MED26: variants seen among roughly 807,000 people sequenced by gnomAD.
The protein encoded by MED26 is mediator complex subunit 26, also known as mediator of RNA polymerase II transcription subunit 26.
MED26 carries 7 observed loss-of-function variants against 43.7 expected under a neutral mutation model. That is an observed-to-expected ratio of 0.16 (90% CI 0.09 to 0.30). The LOEUF (loss-of-function observed/expected upper bound fraction) is 0.30, where lower values mean the gene tolerates loss of function less well. MED26 is among the 10% of genes least tolerant of loss of function. The pLI is 1.00. For missense variants in MED26, 784 were observed against 840.6 expected, an observed-to-expected ratio of 0.93 and a Z score of 0.83; for synonymous variants, 375 against 371.1, an observed-to-expected ratio of 1.01 and a Z score of -0.12.
intron 1 of MED26, among the ~76,000 whole-genome samples, chr19:16,606,274 G>C (rs918810651): frequency 3.3e-5 from 5 of 152,240 alleles, no homozygotes; most frequent in African/African-American, 1.2e-4. Context: ...AATGGGGCCG[G>C]GTGCAGTGAC....
chr19:16,575,843 CAA>C lies in MED26; in HGVS notation c.*182_*183del, dbSNP rs998204774. 2.7e-5 allele frequency: 16 copies of C among 602,780 alleles called. No homozygotes were observed. Among genetic ancestry groups the C allele is most frequent in the Admixed American group, 6.0e-5 (2 of 33,490 alleles). The allele number at this position is 602,780 out of a possible 1,614,324, so 37.3% of individuals were successfully genotyped here. A position where few individuals can be genotyped will look rare whatever the true frequency, so the allele number is the denominator to read the frequency against. ...TTAGTAAACTGGTAGCAGCATTTCA[CAA>C]AAAGAGTTTTGAGGGAAGAGCGCAG... On this transcript the variant is annotated 3_prime_UTR_variant, in exon 3 of 3. Transcript: ENST00000263390.
chr19:16,625,095 T>G (rs779559774), intron 1 of MED26, among the ~76,000 whole-genome samples: 16 of 152,164 alleles, frequency 1.1e-4, no homozygotes, highest in Non-Finnish European at 1.8e-4. Context: ...ACACTGCGCT[T>G]CGGAGAGATT....
chr19:16,575,940 C>A lies in MED26; in HGVS notation c.*87G>T, dbSNP rs1194610735. The A allele has an allele frequency of 7.7e-6, 10 of 1,294,012 alleles. No homozygotes were observed. The African/African-American group carries it at 8.8e-5, about 11-fold the overall frequency. The allele number at this position is 1,294,012 out of a possible 1,614,324, so 80.2% of individuals were successfully genotyped here. ...CTCCCCGAGTTCCCAGCGCAGGAGG[C>A]AGCTGGGCCCCGGCCACCTGCCCAC... On this transcript the variant is annotated 3_prime_UTR_variant, in exon 3 of 3. Transcript: ENST00000263390.
Position 16,575,973 on chromosome 19 carries a change from C to A in MED26, c.*54G>T. Reference sequence around the variant, plus strand: ...CCCCGGCCACCTGCCCACCTGCCTGCCCGCCCACCCGGCTTCTGCAAGATG... The same window carrying A: ...CCCCGGCCACCTGCCCACCTGCCTGACCGCCCACCCGGCTTCTGCAAGATG... On this transcript the variant is annotated 3_prime_UTR_variant, in exon 3 of 3. Transcript: ENST00000263390. 6.5e-7 allele frequency: 1 copy of A among 1,536,234 alleles called. No homozygotes were observed. The highest frequency in any genetic ancestry group is 8.8e-7 in the Non-Finnish European group (1 of 1,131,904).
chr19:16,585,355 G>C (rs1250510683), intron 1 of MED26, among the ~76,000 whole-genome samples: 3 of 152,146 alleles, frequency 2.0e-5, no homozygotes, highest in Admixed American at 1.3e-4. Context: ...TACCAGGAAG[G>C]AGCCCAGGAC....
intron 1 of MED26, among the ~76,000 whole-genome samples, chr19:16,600,158 C>T (rs1281876432): frequency 6.6e-6 from 1 of 152,132 alleles, no homozygotes; most frequent in African/African-American, 2.4e-5. Context: ...CTAGGTCCCC[C>T]CTCATCCCCC....
intron 1 of MED26, among the ~76,000 whole-genome samples, chr19:16,605,575 CAG>C (rs1490069042): frequency 1.3e-5 from 2 of 152,212 alleles, no homozygotes; most frequent in East Asian, 3.8e-4. Context: ...CACACACAGT[CAG>C]AGAGAGCAGC....
intron 1 of MED26, among the ~76,000 whole-genome samples, chr19:16,607,820 C>A (rs1421486042): frequency 6.6e-6 from 1 of 152,236 alleles, no homozygotes; most frequent in Non-Finnish European, 1.5e-5. Flanking sequence ...CTCAGAGAAG[C>A]CAAAAGATTG....
In MED26 at chr19:16,575,700, GA is replaced by G; in HGVS notation, c.*326del. On this transcript the variant is annotated 3_prime_UTR_variant, in exon 3 of 3. Coordinates refer to ENST00000263390, the MANE Select transcript of MED26 (RefSeq NM_004831.5). ...CTGAGGCCCCAGCTTTCAGGTGCTG[GA>G]AAGTGTCCGCACCTCTTTGGGGGTG... 2 of 285,098 alleles carry G rather than the reference GA, an allele frequency of 7.0e-6. No homozygotes were observed. Among genetic ancestry groups the G allele is most frequent in the South Asian group, 1.2e-4 (2 of 16,694 alleles). The allele number at this position is 285,098 out of a possible 1,614,324, so 17.7% of individuals were successfully genotyped here.
chr19:16,577,390 C>T lies in MED26; in HGVS notation c.440G>A (p.Arg147His), dbSNP rs749745511. ...GTCACGCTGGTCACCCCGGCGCTTG[C>T]GGCTGCCCAGCCTGTCCAGCCGCTG... ...PGQRLDRLGS[R>H]KRRGDQRDLG... The change falls in exon 3 of 3, where the codon CGC (arginine) becomes CAC (histidine). Residue 147 changes from arginine (R) to histidine (H), a missense_variant. Coordinates refer to ENST00000263390, the MANE Select transcript of MED26 (RefSeq NM_004831.5). This position sits in a 1 kb window ranked among gnomAD's most constrained non-coding sequence, Gnocchi z 8.1. The T allele has an allele frequency of 1.7e-5, 27 of 1,606,606 alleles. No homozygotes were observed. The highest frequency in any genetic ancestry group is 1.7e-4 in the Middle Eastern group (1 of 6,050).
chr19:16,577,647 G>A lies in MED26; in HGVS notation c.183C>T (p.Arg61=), dbSNP rs145192786. The A allele has an allele frequency of 4.8e-3, 7,558 of 1,585,236 alleles. 53 individuals are homozygous for A. The highest frequency in any genetic ancestry group is 0.022 in the South Asian group (1,987 of 89,718). ...CGAGCTCCTCGTTCTTGGTTTTCTT[G>A]CGGACGTCGTTGATGAGCTTCCCAA... The part of the protein sequence containing the change: ...TRLGKLINDV[R]KKTKNEELAK... The change falls in exon 3 of 3, where the codon CGC becomes CGT. Residue 61 remains arginine (R), a synonymous_variant. Coordinates refer to ENST00000263390, the MANE Select transcript of MED26 (RefSeq NM_004831.5). The surrounding 1 kb of genome is among the most constrained non-coding windows in gnomAD (Gnocchi z 8.1).
At chr19:16,621,652 C>T (rs1224762416) in intron 1 of MED26, among the ~76,000 whole-genome samples, 2 of 152,060 alleles carry the variant, frequency 1.3e-5, no homozygotes, top group Non-Finnish European at 2.9e-5. Context: ...AATCGCAGAA[C>T]CTCCCGGTAC....
chr19:16,628,144 G>A lies in MED26; in HGVS notation c.-201C>T, dbSNP rs1251302293. Reference sequence around the variant, plus strand: ...CGGGCCGCCGCCGCCACCAAAGGAGGAGGAGGAGCCGCCGGAGCCGCCGCC... The same window carrying A: ...CGGGCCGCCGCCGCCACCAAAGGAGAAGGAGGAGCCGCCGGAGCCGCCGCC... On this transcript the variant is annotated 5_prime_UTR_variant, in exon 1 of 3. Transcript: ENST00000263390. The A allele has an allele frequency of 2.7e-6, 1 of 370,302 alleles. No individual in the cohort carries two copies. The highest frequency in any genetic ancestry group is 1.3e-4 in the South Asian group (1 of 7,894). 22.9% of individuals were successfully genotyped at this position (370,302 alleles called of 1,614,324 possible). A position where few individuals can be genotyped will look rare whatever the true frequency, so the allele number is the denominator to read the frequency against.
rs762924793 is a variant in MED26 at position 16,577,485 on chromosome 19, C to G, written c.345G>C (p.Val115=). ...NGGAHNCRPE[V]GAAGPPRSIH... ...TGCTCCTGGGTGGGCCAGCCGCCCC[C>G]ACCTCCGGCCGGCAGTTGTGTGCGC... is the stretch of plus-strand genomic sequence containing the variant. Residue 115 remains valine, a synonymous_variant, in exon 3 of 3, where the codon GTG becomes GTC. Transcript: ENST00000263390. This position sits in a 1 kb window ranked among gnomAD's most constrained non-coding sequence, Gnocchi z 8.1. 1 of 1,589,416 alleles carries G rather than the reference C, an allele frequency of 6.3e-7. No homozygotes were observed. Among genetic ancestry groups the G allele is most frequent in the South Asian group, 1.1e-5 (1 of 90,146 alleles).
At chr19:16,614,397 C>T (rs989463766) in intron 1 of MED26, among the ~76,000 whole-genome samples, 1 of 152,058 alleles carries the variant, frequency 6.6e-6, no homozygotes, top group Non-Finnish European at 1.5e-5. Flanking sequence ...GGTGTGGTAG[C>T]GTGTGTCTGT....
intron 1 of MED26, among the ~76,000 whole-genome samples, chr19:16,591,071 A>C (rs988920803): frequency 1.3e-5 from 2 of 150,660 alleles, no homozygotes; most frequent in Non-Finnish European, 3.0e-5. Flanking sequence ...AAATAAATAA[A>C]TAAATAAATA....
rs143392392 is a variant in MED26 at position 16,598,240 on chromosome 19, C to T, written c.73-19831G>A. Among the ~76,000 whole-genome samples, 359 of 148,614 alleles carry T rather than the reference C, an allele frequency of 2.4e-3. 5 individuals carry two copies. Among genetic ancestry groups the T allele is most frequent in the Middle Eastern group, 3.5e-3 (1 of 284 alleles). ...TAATTCCAGCTACTCGGGAAGCTGA[C>T]GCAGGAGAATGGCTTGAATCCGGGA... On this transcript the variant is annotated intron_variant, in intron 1 of 2. Coordinates refer to ENST00000263390, the MANE Select transcript of MED26 (RefSeq NM_004831.5).
Position 16,613,299 on chromosome 19 carries a change from C to CTAT in MED26, c.72+14570_72+14572dup, listed in dbSNP as rs2086208248. 3.3e-5 allele frequency among the ~76,000 whole-genome samples: 5 copies of CTAT among 151,960 alleles called. No individual in the cohort carries two copies. In the South Asian group the frequency reaches 1.0e-3, roughly 32 times the overall value. On this transcript the variant is annotated intron_variant, in intron 1 of 2. Transcript: ENST00000263390. ...GAGGATTTCTAGTTGATTGTTAAACCTATTCATCAACCTACTCATAAGAAA... is the reference window on the plus strand; with the variant it reads ...GAGGATTTCTAGTTGATTGTTAAACCTATTATTCATCAACCTACTCATAAGAAA...
chr19:16,623,635 T>A (rs1021207729), intron 1 of MED26, among the ~76,000 whole-genome samples: 16 of 152,108 alleles, frequency 1.1e-4, no homozygotes, highest in Admixed American at 5.9e-4. Context: ...AGATGTAACA[T>A]AGGTAAATCC....
Sources: gnomAD v4.1 joint callset for allele counts (sites outside exome capture counted in the v4.1 genomes callset) on GRCh38, gnomAD v4.1.1 for gene constraint, Gnocchi (gnomAD v3.1) non-coding constraint, MANE v1.5 for transcripts, NCBI Gene and HGNC (gene_info 2026-07-23, HGNC 2026-07-21) for gene names.